ADNP2: variants seen among roughly 807,000 people sequenced by gnomAD.
The protein encoded by ADNP2 is ADNP homeobox 2, also known as activity-dependent neuroprotector homeobox protein 2.
ADNP2 carries 8 observed loss-of-function variants against 16.4 expected under a neutral mutation model. The ratio of observed to expected loss-of-function variants is 0.49; its 90% CI spans 0.29 to 0.88. ADNP2 has a LOEUF of 0.88. ADNP2 is among the 40% of genes least tolerant of loss of function. The probability of loss-of-function intolerance (pLI) is 0.09; values close to 1 mark genes in which losing one functional copy is unlikely to be tolerated. For missense variants in ADNP2, 1,397 were observed against 1,395.1 expected, an observed-to-expected ratio of 1.00 and a Z score of -0.02; for synonymous variants, 637 against 545.8, an observed-to-expected ratio of 1.17 and a Z score of -2.33.
chr18:80,128,307 C>CT (rs1479327618), intron 2 of ADNP2, among the ~76,000 whole-genome samples: 7 of 152,182 alleles, frequency 4.6e-5, no homozygotes, highest in Admixed American at 2.0e-4. Flanking sequence ...GTGTTGTATA[C>CT]TTTATCTTTT....
At chr18:80,131,440 TG>T (rs1347180265) in intron 2 of ADNP2, among the ~76,000 whole-genome samples, 6 of 152,212 alleles carry the variant, frequency 3.9e-5, no homozygotes, top group Non-Finnish European at 7.3e-5. Context: ...TCTAGATCTT[TG>T]TTTAACTGCT....
chr18:80,122,792 CG>C (rs1568410343), intron 2 of ADNP2, among the ~76,000 whole-genome samples: 2 of 152,150 alleles, frequency 1.3e-5, no homozygotes, highest in Non-Finnish European at 2.9e-5. Context: ...TTTTCAGTTA[CG>C]ATGCCTTTTA....
At chr18:80,134,247 T>TA (rs1223661856) in intron 3 of ADNP2, among the ~76,000 whole-genome samples, 8 of 152,114 alleles carry the variant, frequency 5.3e-5, no homozygotes, top group African/African-American at 1.9e-4. Context: ...TAACTCCAGT[T>TA]ACTCAGGAGG....
intron 2 of ADNP2, among the ~76,000 whole-genome samples, chr18:80,131,954 G>A (rs1185555963): frequency 6.6e-6 from 1 of 152,136 alleles, no homozygotes; most frequent in East Asian, 1.9e-4. Context: ...TATGTTTATT[G>A]CAGCACTATT....
At position 80,138,571 on chromosome 18, in the gene ADNP2, A is replaced by G. The variant is rs1340178652; in HGVS notation, c.3158A>G (p.Glu1053Gly). 1 of 1,610,120 alleles carries G rather than the reference A, an allele frequency of 6.2e-7. No homozygotes were observed. Among genetic ancestry groups the G allele is most frequent in the South Asian group, 1.1e-5 (1 of 89,734 alleles). ...PKKYEGRSYE[E>G]KKQFLKDYFH... Reference sequence around the variant, plus strand: ...AAATATGAAGGCCGTTCTTATGAAGAAAAGAAGCAATTTCTTAAAGATTAT... The same window carrying G: ...AAATATGAAGGCCGTTCTTATGAAGGAAAGAAGCAATTTCTTAAAGATTAT... The change falls in exon 4 of 4, where the codon GAA becomes GGA. Residue 1053 changes from glutamate to glycine, a missense_variant. By Grantham distance (98) the Glu-to-Gly change is moderately conservative. Coordinates refer to ENST00000262198, the MANE Select transcript of ADNP2 (RefSeq NM_014913.4).
Position 80,136,286 on chromosome 18 carries a change from C to T in ADNP2, c.873C>T (p.Cys291=). The T allele has an allele frequency of 1.9e-6, 3 of 1,613,614 alleles. No individual in the cohort carries two copies. The highest frequency in any genetic ancestry group is 2.5e-6 in the Non-Finnish European group (3 of 1,179,530). The change falls in exon 4 of 4, where the codon TGC becomes TGT. Residue 291 remains cysteine, a synonymous_variant. Transcript: ENST00000262198. ...SAPSAPAQPP[C]FHLALPQNSP... is the part of the protein sequence containing the mutation. ...CAAGCGCTCCAGCGCAGCCTCCTTG[C>T]TTCCATCTTGCTTTGCCACAGAACA...
chr18:80,130,148 C>T (rs1297071546), intron 2 of ADNP2, among the ~76,000 whole-genome samples: 2 of 152,188 alleles, frequency 1.3e-5, no homozygotes, highest in Admixed American at 1.3e-4. Flanking sequence ...TTCTGATGCT[C>T]AAATGTTACA....
At chr18:80,132,377 G>T (rs1235281246) in intron 2 of ADNP2, among the ~76,000 whole-genome samples, 2 of 152,130 alleles carry the variant, frequency 1.3e-5, no homozygotes, top group Non-Finnish European at 2.9e-5. Flanking sequence ...CTCTAAACAA[G>T]GTAAGTAGGA....
At chr18:80,126,776 C>T (rs2052461687) in intron 2 of ADNP2, among the ~76,000 whole-genome samples, 2 of 152,108 alleles carry the variant, frequency 1.3e-5, no homozygotes, top group African/African-American at 2.4e-5. Flanking sequence ...ATCATTTCTT[C>T]AACTAGTTTT....
In ADNP2 at chr18:80,124,726, T is replaced by TA. The variant is rs771949995; in HGVS notation, c.108+7078dup. ...CCACCCTCTAAACTTGCCTTGGTGA[T>TA]AAGCCCCCATCCTGAAGCTACCTAG... is the stretch of plus-strand genomic sequence containing the variant. On this transcript the variant is annotated intron_variant, in intron 2 of 3. Coordinates refer to ENST00000262198, the MANE Select transcript of ADNP2 (RefSeq NM_014913.4). 6.6e-5 allele frequency among the ~76,000 whole-genome samples: 10 copies of TA among 152,318 alleles called. No individual in the cohort carries two copies. In the East Asian group the frequency reaches 1.2e-3, roughly 18 times the overall value.
At chr18:80,132,669 C>T (rs1048813933) in intron 2 of ADNP2, among the ~76,000 whole-genome samples, 1 of 113,964 alleles carries the variant, frequency 8.8e-6, no homozygotes, top group Non-Finnish European at 1.8e-5. Flanking sequence ...TCCTCTCTCC[C>T]CTCTTCCTCC....
rs1298999347 is a variant in ADNP2 at position 80,114,907 on chromosome 18, G to A, written c.-13-2623G>A. Among the ~76,000 whole-genome samples, 6 of 152,190 alleles carry A rather than the reference G, an allele frequency of 3.9e-5. No individual in the cohort carries two copies. The East Asian group carries it at 1.2e-3, about 29-fold the overall frequency. On this transcript the variant is annotated intron_variant, in intron 1 of 3. Coordinates refer to ENST00000262198, the MANE Select transcript of ADNP2 (RefSeq NM_014913.4). ...CTCTACCTGGTGTCTCTGTGGGCTA[G>A]TTGGCACTTTCTACACATGTGGTAT... is the stretch of plus-strand genomic sequence containing the variant.
rs200554106 is a variant in ADNP2 at position 80,136,274 on chromosome 18, G to T, written c.861G>T (p.Ala287=). 1.9e-6 allele frequency: 3 copies of T among 1,613,668 alleles called. No homozygotes were observed. Among genetic ancestry groups the T allele is most frequent in the African/African-American group, 2.7e-5 (2 of 74,948 alleles). The change falls in exon 4 of 4, where the codon GCG becomes GCT. Residue 287 remains alanine, a synonymous_variant. Coordinates refer to ENST00000262198, the MANE Select transcript of ADNP2 (RefSeq NM_014913.4). The part of the protein sequence containing the change: ...PANGSAPSAP[A]QPPCFHLALP... The stretch of plus-strand genomic sequence containing the variant: ...ATGGCAGTGCTCCAAGCGCTCCAGC[G>T]CAGCCTCCTTGCTTCCATCTTGCTT...
chr18:80,138,170 T>C lies in ADNP2; in HGVS notation c.2757T>C (p.Cys919=). 6.2e-7 allele frequency: 1 copy of C among 1,614,118 alleles called. No homozygotes were observed. The highest frequency in any genetic ancestry group is 8.5e-7 in the Non-Finnish European group (1 of 1,180,024). ...CCGCCTTCAAGTGCATCCACTGCTG[T>C]GGGGTCTACACGGGAAATATGACCC... ...KSPAFKCIHC[C]GVYTGNMTLA... Residue 919 remains cysteine, a synonymous_variant, in exon 4 of 4, where the codon TGT becomes TGC. Transcript: ENST00000262198.
intron 1 of ADNP2, among the ~76,000 whole-genome samples, chr18:80,110,570 A>G (rs550358447): frequency 6.6e-6 from 1 of 152,304 alleles, no homozygotes; most frequent in African/African-American, 2.4e-5. Flanking sequence ...TTTGGGGGTG[A>G]GGAGCATTAG....
At chr18:80,115,781 T>C (rs1274295963) in intron 1 of ADNP2, among the ~76,000 whole-genome samples, 1 of 151,424 alleles carries the variant, frequency 6.6e-6, no homozygotes, top group African/African-American at 2.4e-5. Context: ...ACTGTTGTGC[T>C]TTTTTTTTCT....
intron 2 of ADNP2, among the ~76,000 whole-genome samples, chr18:80,118,613 T>A (rs1298059272): frequency 1.3e-5 from 2 of 152,200 alleles, no homozygotes; most frequent in African/African-American, 4.8e-5. Flanking sequence ...TAAGGTGGAA[T>A]TCTGTTAGGA....
intron 2 of ADNP2, among the ~76,000 whole-genome samples, chr18:80,129,135 G>A (rs1471201058): frequency 3.0e-5 from 4 of 133,974 alleles, no homozygotes; most frequent in East Asian, 2.0e-4. Flanking sequence ...ATGGGGTCTC[G>A]CTCTGTCTTC....
At chr18:80,116,265 C>T (rs1369649682) in intron 1 of ADNP2, among the ~76,000 whole-genome samples, 1 of 152,132 alleles carries the variant, frequency 6.6e-6, no homozygotes, top group Non-Finnish European at 1.5e-5. Context: ...ATCCAGTCAT[C>T]AGTTTATTTA....
Sources: allele counts gnomAD v4.1 joint callset (sites outside exome capture counted in the v4.1 genomes callset), GRCh38; gene constraint gnomAD v4.1.1; transcripts MANE v1.5; gene names NCBI Gene and HGNC (gene_info 2026-07-23, HGNC 2026-07-21).